The following NCKAP5 variants were observed in gnomAD, a reference collection of about 807,000 sequenced individuals.
NCKAP5 encodes nck-associated protein 5.
A neutral mutation model predicts 167.0 loss-of-function variants in NCKAP5; 92 were observed. The observed-to-expected ratio is 0.55, with a 90% CI of 0.47 to 0.66. NCKAP5 has a LOEUF of 0.66. NCKAP5 is among the 30% of genes least tolerant of loss of function. The probability of loss-of-function intolerance (pLI) is 0.00; values close to 1 mark genes in which losing one functional copy is unlikely to be tolerated. For synonymous variants in NCKAP5, 891 were observed against 877.4 expected (o/e 1.02, Z -0.27); for missense variants, 2,378 against 2,315.0 (o/e 1.03, Z -0.56).
chr2:133,283,679 C>A (rs895596618), intron 4 of NCKAP5, among the ~76,000 whole-genome samples: 5 of 150,584 alleles, frequency 3.3e-5, no homozygotes, highest in Non-Finnish European at 7.4e-5. Context: ...GGCAGGATCT[C>A]GGCTCACTGC....
intron 3 of NCKAP5, among the ~76,000 whole-genome samples, chr2:133,468,935 G>A (rs4619661): frequency 0.22 from 32,957 of 152,038 alleles, 3,928 homozygotes; most frequent in East Asian, 0.39. Context: ...CCTGAATACA[G>A]CACACTGATG....
At chr2:133,323,158 G>A (rs1682178845) in intron 3 of NCKAP5, among the ~76,000 whole-genome samples, 1 of 151,982 alleles carries the variant, frequency 6.6e-6, no homozygotes, top group African/African-American at 2.4e-5. Flanking sequence ...CTAAAAGTAG[G>A]GAAAAATCTC....
At chr2:133,021,671 G>A (rs76121294) in intron 6 of NCKAP5, among the ~76,000 whole-genome samples, 20,738 of 152,050 alleles carry the variant, frequency 0.14, 1,541 homozygotes, top group South Asian at 0.18. Context: ...TTGCTCTGTC[G>A]CCCAGGCGGG....
At chr2:133,071,932 G>A (rs531319296) in intron 6 of NCKAP5, among the ~76,000 whole-genome samples, 2 of 152,244 alleles carry the variant, frequency 1.3e-5, no homozygotes, top group African/African-American at 2.4e-5. Context: ...TGTATTGAGT[G>A]TATTAAATGA....
intron 3 of NCKAP5, among the ~76,000 whole-genome samples, chr2:133,502,798 G>A (rs865911769): frequency 2.0e-5 from 3 of 152,290 alleles, no homozygotes; most frequent in East Asian, 1.9e-4. Context: ...ACAGTACTTC[G>A]GAAATGAGGC....
chr2:132,947,634 T>C (rs1489084045), intron 8 of NCKAP5, among the ~76,000 whole-genome samples: 1 of 152,122 alleles, frequency 6.6e-6, no homozygotes, highest in South Asian at 2.1e-4. Flanking sequence ...AAAACAAATG[T>C]TACAATTCAA....
At chr2:132,795,187 G>C (rs538269880) in intron 12 of NCKAP5, among the ~76,000 whole-genome samples, 1 of 151,980 alleles carries the variant, frequency 6.6e-6, no homozygotes, top group Admixed American at 6.6e-5. Context: ...TCTGATGCCC[G>C]GCCCAAGTCC....
chr2:132,776,210 T>C (rs1682531061), intron 15 of NCKAP5, among the ~76,000 whole-genome samples: 1 of 152,336 alleles, frequency 6.6e-6, no homozygotes, highest in South Asian at 2.1e-4. Flanking sequence ...CATTTAGATA[T>C]GAAGGCAATA....
At chr2:133,617,121 C>G in the NCKAP5 span, among the ~76,000 whole-genome samples, 1 of 152,178 alleles carries the variant, frequency 6.6e-6, no homozygotes, top group Admixed American at 6.5e-5. Flanking sequence ...GCTAAAAACT[C>G]TCAATAAATT....
chr2:133,204,894 T>C (rs1351411921), intron 5 of NCKAP5, among the ~76,000 whole-genome samples: 1 of 152,254 alleles, frequency 6.6e-6, no homozygotes, highest in African/African-American at 2.4e-5. Context: ...GACACTTTCC[T>C]ACCAGCTAGC....
intron 5 of NCKAP5, among the ~76,000 whole-genome samples, chr2:133,143,879 C>T (rs1427291868): frequency 6.6e-6 from 1 of 151,978 alleles, no homozygotes; most frequent in African/African-American, 2.4e-5. Context: ...AGGTTTGAGC[C>T]CATGCAATCT....
chr2:133,298,621 G>A (rs761159488), intron 4 of NCKAP5, among the ~76,000 whole-genome samples: 27 of 152,176 alleles, frequency 1.8e-4, no homozygotes, highest in African/African-American at 5.5e-4. Flanking sequence ...ATAATAATGC[G>A]TGTAAGATAC....
chr2:132,963,704 T>C lies in NCKAP5; in HGVS notation c.579+16A>G. The C allele has an allele frequency of 3.1e-6, 5 of 1,610,288 alleles. No individual in the cohort carries two copies. Among genetic ancestry groups the C allele is most frequent in the Non-Finnish European group, 3.4e-6 (4 of 1,178,742 alleles). Reference sequence around the variant, plus strand: ...TTATTTTTCTTGAAGAGTGTAAAAATTGCTTCATTTCTTACCTCTAGAGCT... The same window carrying C: ...TTATTTTTCTTGAAGAGTGTAAAAACTGCTTCATTTCTTACCTCTAGAGCT... On this transcript the variant is annotated intron_variant, in intron 8 of 19. Transcript: ENST00000409261.
intron 3 of NCKAP5, among the ~76,000 whole-genome samples, chr2:133,340,880 C>A (rs976922031): frequency 6.6e-6 from 1 of 152,204 alleles, no homozygotes; most frequent in Non-Finnish European, 1.5e-5. Context: ...TCTTCCTCAT[C>A]TCAGCAGCCA....
intron 8 of NCKAP5, among the ~76,000 whole-genome samples, chr2:132,892,975 A>G (rs1037471874): frequency 1.9e-4 from 27 of 145,018 alleles, no homozygotes; most frequent in African/African-American, 6.0e-4. Flanking sequence ...GGAATTCTTG[A>G]CCTCTGATCT....
At chr2:132,970,134 T>C (rs2076789993) in intron 7 of NCKAP5, among the ~76,000 whole-genome samples, 1 of 152,156 alleles carries the variant, frequency 6.6e-6, no homozygotes, top group South Asian at 2.1e-4. Flanking sequence ...AGACTAGCAG[T>C]TGGATTTATC....
At chr2:133,515,595 C>T (rs1191668372) in intron 3 of NCKAP5, among the ~76,000 whole-genome samples, 1 of 152,210 alleles carries the variant, frequency 6.6e-6, no homozygotes, top group African/African-American at 2.4e-5. Context: ...TTGCAGCCCT[C>T]AACAAGTTTC....
intron 4 of NCKAP5, among the ~76,000 whole-genome samples, chr2:133,293,251 G>C (rs929833272): frequency 2.6e-5 from 4 of 152,234 alleles, no homozygotes; most frequent in Non-Finnish European, 5.9e-5. Flanking sequence ...TTAAAGAACA[G>C]TGGGCAGATT....
At chr2:133,122,380 C>T (rs935429362) in intron 6 of NCKAP5, 3 of 152,128 alleles carry the variant, frequency 2.0e-5, no homozygotes, top group African/African-American at 7.2e-5. Flanking sequence ...GTTATTAAAA[C>T]ATATTTAGAG....
Sources: gnomAD v4.1 joint callset for allele counts (sites outside exome capture counted in the v4.1 genomes callset) on GRCh38, gnomAD v4.1.1 for gene constraint, MANE v1.5 for transcripts, NCBI Gene and HGNC (gene_info 2026-07-23, HGNC 2026-07-21) for gene names.